PDE10A: variants seen among roughly 807,000 people sequenced by gnomAD.
The protein encoded by PDE10A is phosphodiesterase 10A, also known as cAMP and cAMP-inhibited cGMP 3',5'-cyclic phosphodiesterase 10A.
A neutral mutation model predicts 97.7 loss-of-function variants in PDE10A; 39 were observed. The observed-to-expected ratio is 0.40, with a 90% CI of 0.31 to 0.52. The LOEUF (loss-of-function observed/expected upper bound fraction) is 0.52, where lower values mean the gene tolerates loss of function less well. Among genes scored for constraint, PDE10A ranks in the 20% least tolerant of loss-of-function variants. The pLI, the probability that PDE10A is intolerant of heterozygous loss-of-function variation, is 0.56. For missense variants in PDE10A, 731 were observed against 1,047.8 expected (o/e 0.70, Z 4.17); for synonymous variants, 371 against 376.8 (o/e 0.98, Z 0.18).
chr6:165,762,934 AG>A (rs1324816331), intron 1 of PDE10A, among the ~76,000 whole-genome samples: 5 of 152,202 alleles, frequency 3.3e-5, no homozygotes, highest in African/African-American at 1.2e-4. Flanking sequence ...AAGAAAAAAA[AG>A]AAAAAAAAAG....
chr6:165,549,773 T>C (rs1783923148), intron 1 of PDE10A, among the ~76,000 whole-genome samples: 1 of 152,242 alleles, frequency 6.6e-6, no homozygotes, highest in Admixed American at 6.5e-5. Flanking sequence ...TTATTATTTC[T>C]GAAGTCTCAT....
At chr6:165,428,620 G>C in intron 10 of PDE10A, 38 bp downstream of exon 10, 1 of 907,794 alleles carries the variant, frequency 1.1e-6, no homozygotes, top group Non-Finnish European at 1.8e-6. Flanking sequence ...TGGGCCTAAG[G>C]GTTAAACAGA....
At chr6:165,798,870 G>A (rs1344631489) in intron 1 of PDE10A, among the ~76,000 whole-genome samples, 1 of 152,036 alleles carries the variant, frequency 6.6e-6, no homozygotes, top group South Asian at 2.1e-4. Flanking sequence ...ACCACGCCAG[G>A]CTAATTTTGG....
At chr6:165,504,166 A>G (rs1781059060) in intron 2 of PDE10A, among the ~76,000 whole-genome samples, 1 of 152,212 alleles carries the variant, frequency 6.6e-6, no homozygotes, top group Non-Finnish European at 1.5e-5. Context: ...AAACAGTTGT[A>G]GCCTAAGGAG....
At chr6:165,691,612 C>CAT (rs974835121) in intron 1 of PDE10A, among the ~76,000 whole-genome samples, 1 of 151,696 alleles carries the variant, frequency 6.6e-6, no homozygotes, top group African/African-American at 2.4e-5. Flanking sequence ...CACACACACA[C>CAT]ACACACACAC....
At chr6:165,656,009 C>A (rs955483924) in intron 1 of PDE10A, among the ~76,000 whole-genome samples, 2 of 152,094 alleles carry the variant, frequency 1.3e-5, no homozygotes, top group Non-Finnish European at 2.9e-5. Context: ...AGGAGCCACA[C>A]AGCTGCACAG....
At chr6:165,923,767 T>C (rs1448063259) in intron 1 of PDE10A, among the ~76,000 whole-genome samples, 1 of 141,954 alleles carries the variant, frequency 7.0e-6, no homozygotes, top group Non-Finnish European at 1.6e-5. Flanking sequence ...CTTTAAAAAT[T>C]AACTGTGTTT....
At chr6:165,616,160 A>G (rs1302703639) in intron 1 of PDE10A, among the ~76,000 whole-genome samples, 1 of 152,060 alleles carries the variant, frequency 6.6e-6, no homozygotes, top group Admixed American at 6.6e-5. Context: ...CCCTATTCGC[A>G]TGACACAGGG....
chr6:165,832,726 T>C (rs975183014), intron 1 of PDE10A, among the ~76,000 whole-genome samples: 1 of 152,266 alleles, frequency 6.6e-6, no homozygotes, highest in Admixed American at 6.5e-5. Flanking sequence ...CAATGACTGA[T>C]ACACTTAATT....
At chr6:165,945,706 A>T (rs1019658804) in intron 1 of PDE10A, among the ~76,000 whole-genome samples, 1 of 152,230 alleles carries the variant, frequency 6.6e-6, no homozygotes, top group Non-Finnish European at 1.5e-5. Context: ...GGACTCTGAG[A>T]AATAGATTTC....
intron 1 of PDE10A, among the ~76,000 whole-genome samples, chr6:165,846,514 A>T (rs1780423537): frequency 6.6e-6 from 1 of 152,246 alleles, no homozygotes; most frequent in African/African-American, 2.4e-5. Flanking sequence ...TGTTAGAGTT[A>T]GCGGCTCCGC....
chr6:165,935,465 C>A (rs1783291434), intron 1 of PDE10A, among the ~76,000 whole-genome samples: 1 of 152,124 alleles, frequency 6.6e-6, no homozygotes, highest in African/African-American at 2.4e-5. Flanking sequence ...AATCTGAATT[C>A]AAAAACATTT....
At chr6:165,339,392 A>C in intron 19 of PDE10A, 34 bp from the exon 20 acceptor site, 4 of 1,196,020 alleles carry the variant, frequency 3.3e-6, no homozygotes, top group Non-Finnish European at 5.0e-6. Context: ...ATGCTTTCTC[A>C]AATTTCAAAT....
At chr6:165,754,362 C>T (rs1338578104) in intron 1 of PDE10A, 1 of 152,254 alleles carries the variant, frequency 6.6e-6, no homozygotes, top group East Asian at 1.9e-4. Context: ...CAAATCATTT[C>T]CCTGGTATGA....
chr6:165,776,617 T>A (rs891194517), intron 1 of PDE10A, among the ~76,000 whole-genome samples: 1 of 152,224 alleles, frequency 6.6e-6, no homozygotes, highest in Non-Finnish European at 1.5e-5. Flanking sequence ...TTCTCCGTAT[T>A]ATGCTCTTCA....
At chr6:165,916,397 A>G (rs1782604100) in intron 1 of PDE10A, among the ~76,000 whole-genome samples, 1 of 152,222 alleles carries the variant, frequency 6.6e-6, no homozygotes, top group Non-Finnish European at 1.5e-5. Flanking sequence ...AAACCAAGTG[A>G]TTGCCAAAAT....
At chr6:165,603,395 T>A (rs12215013) in intron 1 of PDE10A, among the ~76,000 whole-genome samples, 1 of 152,130 alleles carries the variant, frequency 6.6e-6, no homozygotes, top group East Asian at 1.9e-4. Flanking sequence ...AGTGAAAACA[T>A]AGAATCACAG....
intron 13 of PDE10A, among the ~76,000 whole-genome samples, chr6:165,412,507 T>C (rs1787941309): frequency 6.6e-6 from 1 of 152,198 alleles, no homozygotes; most frequent in Non-Finnish European, 1.5e-5. Context: ...GAAGCAAAAG[T>C]GTTTGACAGC....
At chr6:165,800,863 GGA>G (rs1027434752) in intron 1 of PDE10A, among the ~76,000 whole-genome samples, 11 of 152,170 alleles carry the variant, frequency 7.2e-5, no homozygotes, top group African/African-American at 2.7e-4. Flanking sequence ...AGGGCACGGA[GGA>G]GACACTATTG....
Sources: gnomAD v4.1 joint callset for allele counts (sites outside exome capture counted in the v4.1 genomes callset) on GRCh38, gnomAD v4.1.1 for gene constraint, MANE v1.5 for transcripts, NCBI Gene and HGNC (gene_info 2026-07-23, HGNC 2026-07-21) for gene names.